ADAMDEC1: variants seen among roughly 807,000 people sequenced by gnomAD.
ADAMDEC1 encodes ADAM like decysin 1.
Under a neutral mutation model 60.4 loss-of-function variants are expected in ADAMDEC1, and 62 were observed. That is an observed-to-expected ratio of 1.03 (90% CI 0.84 to 1.27). The LOEUF (loss-of-function observed/expected upper bound fraction) is 1.27. Ranked by LOEUF, ADAMDEC1 falls within the 50% of genes most tolerant of loss-of-function variation. The pLI is 0.00. For missense variants in ADAMDEC1, 595 were observed against 565.0 expected (o/e 1.05, Z -0.54); for synonymous variants, 210 against 195.1 (o/e 1.08, Z -0.64).
intron 12 of ADAMDEC1, 92 bp downstream of exon 12, chr8:24,402,184 C>G (rs964683476): frequency 1.7e-6 from 2 of 1,190,510 alleles, no homozygotes; most frequent in African/African-American, 3.2e-5. Flanking sequence ...TAAAGACAAA[C>G]TTGGCATCGT....
Position 24,405,326 on chromosome 8 carries a change from T to C in ADAMDEC1, c.*28T>C, listed in dbSNP as rs745907677. ...CCAAAAGTCTGCTTCACTGAGATGCTACCTTGCCAGGACAAGAACCAAGAA... is the reference window on the plus strand; with the variant it reads ...CCAAAAGTCTGCTTCACTGAGATGCCACCTTGCCAGGACAAGAACCAAGAA... On this transcript the variant is annotated 3_prime_UTR_variant, in exon 14 of 14. Transcript: ENST00000256412. The C allele has an allele frequency of 1.9e-6, 3 of 1,611,960 alleles. No homozygotes were observed. Among genetic ancestry groups the C allele is most frequent in the East Asian group, 2.2e-5 (1 of 44,686 alleles).
chr8:24,392,111 C>A (rs1304957064), intron 1 of ADAMDEC1, 151 bp from the exon 2 acceptor site: 1 of 479,712 alleles, frequency 2.1e-6, no homozygotes. Context: ...TGAAGAACGA[C>A]AATTAACTTG....
intron 3 of ADAMDEC1, 49 bp from the exon 4 acceptor site, chr8:24,394,020 G>T (rs1817516913): frequency 1.5e-6 from 2 of 1,296,782 alleles, no homozygotes; most frequent in Non-Finnish European, 2.2e-6. Flanking sequence ...AGGAAGTTCT[G>T]CCTTTCTTAC....
chr8:24,404,769 A>G (rs1817848607), intron 13 of ADAMDEC1, among the ~76,000 whole-genome samples: 1 of 152,228 alleles, frequency 6.6e-6, no homozygotes, highest in Admixed American at 6.5e-5. Context: ...CAGTATAAAG[A>G]AAATAATTGA....
At chr8:24,387,026 C>G (rs1817309963) in intron 1 of ADAMDEC1, 1 of 152,232 alleles carries the variant, frequency 6.6e-6, no homozygotes, top group South Asian at 2.1e-4. Flanking sequence ...CTAGCACTGA[C>G]CAGTCCCATG....
intron 1 of ADAMDEC1, among the ~76,000 whole-genome samples, chr8:24,388,983 T>C (rs1331112737): frequency 6.6e-6 from 1 of 152,088 alleles, no homozygotes. Flanking sequence ...CTTTATACTG[T>C]AGGTGAGGGG....
chr8:24,394,223 C>T (rs1817548043), intron 4 of ADAMDEC1, 76 bp downstream of exon 4: 3 of 1,115,024 alleles, frequency 2.7e-6, no homozygotes, highest in Non-Finnish European at 4.0e-6. Context: ...ACTAAGATCT[C>T]CAAAGGGCTC....
Position 24,400,266 on chromosome 8 carries a change from C to T in ADAMDEC1, c.1108C>T (p.Pro370Ser). Residue 370 changes from proline (P) to serine (S), a missense_variant, in exon 11 of 14, where the codon CCC (proline) becomes TCC (serine). Transcript: ENST00000256412. ...TGATGTTCCATTCAACACCAAGTGTCCCTCTGGCAGTTGTGTGATGAATCA... is the reference window on the plus strand; with the variant it reads ...TGATGTTCCATTCAACACCAAGTGTTCCTCTGGCAGTTGTGTGATGAATCA... ...MPDVPFNTKC[P>S]SGSCVMNQYL... The T allele has an allele frequency of 1.2e-6, 2 of 1,611,516 alleles. No individual in the cohort carries two copies. The highest frequency in any genetic ancestry group is 8.5e-7 in the Non-Finnish European group (1 of 1,178,676).
At chr8:24,397,242 C>T (rs1200251820) in intron 5 of ADAMDEC1, 28 bp from the exon 6 acceptor site, 1 of 1,583,796 alleles carries the variant, frequency 6.3e-7, no homozygotes, top group African/African-American at 1.4e-5. Context: ...GTCAGGAATC[C>T]TGAAATATAA....
chr8:24,399,020 C>G lies in ADAMDEC1; in HGVS notation c.909C>G (p.His303Gln). 6.2e-7 allele frequency: 1 copy of G among 1,613,114 alleles called. No homozygotes were observed. Among genetic ancestry groups the G allele is most frequent in the Non-Finnish European group, 8.5e-7 (1 of 1,179,570 alleles). The change falls in exon 9 of 14, where the codon CAC becomes CAG. Residue 303 changes from histidine (H) to glutamine (Q), a missense_variant. By Grantham distance (24) the His-to-Gln change is conservative. Coordinates refer to ENST00000256412, the MANE Select transcript of ADAMDEC1 (RefSeq NM_014479.3). Reference protein sequence around the residue: ...WHSSNLGKKIHDHAQLLSGIS... With the variant: ...WHSSNLGKKIQDHAQLLSGIS... ...GTTCTAACCTGGGGAAAAAGATCCA[C>G]GACCATGCTCAGCTTCTCAGGTGAG...
intron 1 of ADAMDEC1, chr8:24,390,136 C>G: frequency 1.5e-6 from 1 of 682,436 alleles, no homozygotes; most frequent in Non-Finnish European, 2.3e-6. Flanking sequence ...CAGCCTCAAA[C>G]TGTGCGTGGC....
intron 5 of ADAMDEC1, 130 bp from the exon 6 acceptor site, chr8:24,397,140 G>A (rs1817634713): frequency 1.4e-6 from 1 of 720,916 alleles, no homozygotes; most frequent in Non-Finnish European, 2.1e-6. Flanking sequence ...CCAGAAGTTA[G>A]CTGAAAGGTC....
rs1157271509 is a variant in ADAMDEC1 at position 24,405,345 on chromosome 8, C to A, written c.*47C>A. ...AGATGCTACCTTGCCAGGACAAGAA[C>A]CAAGAACTCTAACTGTCCCAGGAAT... On this transcript the variant is annotated 3_prime_UTR_variant, in exon 14 of 14. Transcript: ENST00000256412. The A allele has an allele frequency of 6.2e-7, 1 of 1,604,890 alleles. No homozygotes were observed. Among genetic ancestry groups the A allele is most frequent in the Non-Finnish European group, 8.5e-7 (1 of 1,173,360 alleles).
At chr8:24,394,169 G>C in intron 4 of ADAMDEC1, 22 bp downstream of exon 4, 1 of 1,568,878 alleles carries the variant, frequency 6.4e-7, no homozygotes, top group Non-Finnish European at 8.8e-7. Flanking sequence ...ATACTTTGTG[G>C]GTCTCTTTTG....
chr8:24,393,152 G>T (rs1817493765), intron 2 of ADAMDEC1, 110 bp from the exon 3 acceptor site: 4 of 599,748 alleles, frequency 6.7e-6, no homozygotes, highest in Non-Finnish European at 8.1e-6. Context: ...CAAAAGAATT[G>T]CTTTTATCCT....
At chr8:24,390,032 T>C in intron 1 of ADAMDEC1, 2 of 389,198 alleles carry the variant, frequency 5.1e-6, no homozygotes, top group South Asian at 3.8e-5. Flanking sequence ...GCTTCATATG[T>C]ATAAACATAC....
intron 1 of ADAMDEC1, among the ~76,000 whole-genome samples, chr8:24,385,325 A>C (rs1013732268): frequency 2.0e-5 from 3 of 152,180 alleles, no homozygotes; most frequent in African/African-American, 7.2e-5. Flanking sequence ...CACTTGCCTA[A>C]AAGTTGCCGT....
rs982916078 is a variant in ADAMDEC1, at chr8:24,398,567, T to C, written c.762+16T>C. 4 of 1,559,338 alleles carry C rather than the reference T, an allele frequency of 2.6e-6. No individual in the cohort carries two copies. Among genetic ancestry groups the C allele is most frequent in the African/African-American group, 2.7e-5 (2 of 72,864 alleles). ...ACTCAATGTGGTAAGACATTAGTCATGTAAACCTCATGTTTCTGCATAGGG... is the reference window on the plus strand; with the variant it reads ...ACTCAATGTGGTAAGACATTAGTCACGTAAACCTCATGTTTCTGCATAGGG... On this transcript the variant is annotated intron_variant, in intron 8 of 13. Transcript: ENST00000256412.
chr8:24,392,397 AC>A lies in ADAMDEC1; in HGVS notation c.207+19del, dbSNP rs1817468393. On this transcript the variant is annotated intron_variant, in intron 2 of 13. Coordinates refer to ENST00000256412, the MANE Select transcript of ADAMDEC1 (RefSeq NM_014479.3). ...GGCAAAGAGGTAAGCAAGGTGAATG[AC>A]CGTGGTAGATGTTACAATCATCCAA... is the stretch of plus-strand genomic sequence containing the variant. 1.9e-6 allele frequency: 3 copies of A among 1,547,488 alleles called. No individual in the cohort carries two copies. Among genetic ancestry groups the A allele is most frequent in the African/African-American group, 1.4e-5 (1 of 72,958 alleles).
Sources: allele counts gnomAD v4.1 joint callset (sites outside exome capture counted in the v4.1 genomes callset), GRCh38; gene constraint gnomAD v4.1.1; transcripts MANE v1.5; gene names NCBI Gene and HGNC (gene_info 2026-07-23, HGNC 2026-07-21).